GSTA4: variants seen among roughly 807,000 people sequenced by gnomAD.
GSTA4 encodes the protein glutathione S-transferase alpha 4, also known as glutathione S-transferase A4.
In GSTA4, 15 loss-of-function variants were observed where a neutral mutation model predicts 24.4. That is an observed-to-expected ratio of 0.61 (90% CI 0.41 to 0.95). The LOEUF (loss-of-function observed/expected upper bound fraction) is 0.95. Ranked by LOEUF, GSTA4 falls within the 40% of genes least tolerant of loss-of-function variation. The probability of loss-of-function intolerance (pLI) is 0.00; values close to 1 mark genes in which losing one functional copy is unlikely to be tolerated. For synonymous variants in GSTA4, 92 were observed against 94.2 expected (o/e 0.98, Z 0.13); for missense variants, 244 against 262.1 (o/e 0.93, Z 0.48).
At chr6:52,989,105 C>T (rs576412214) in intron 2 of GSTA4, among the ~76,000 whole-genome samples, 18 of 152,168 alleles carry the variant, frequency 1.2e-4, no homozygotes, top group Non-Finnish European at 2.4e-4. Flanking sequence ...GACCTCTGGT[C>T]GTCCTCATTG....
At chr6:52,995,138 A>C (rs1763747157) in intron 1 of GSTA4, 111 bp downstream of exon 1, 1 of 152,934 alleles carries the variant, frequency 6.5e-6, no homozygotes, top group Admixed American at 6.5e-5. Flanking sequence ...GAAGGACTGA[A>C]CTGGGGGAGT....
At chr6:52,979,968 T>C (rs1024252206) in intron 6 of GSTA4, among the ~76,000 whole-genome samples, 2 of 152,222 alleles carry the variant, frequency 1.3e-5, no homozygotes, top group African/African-American at 4.8e-5. Context: ...ACTTTTTAAA[T>C]CCATTAATCA....
chr6:52,993,398 A>C (rs1388671572), intron 2 of GSTA4, among the ~76,000 whole-genome samples: 1 of 152,250 alleles, frequency 6.6e-6, no homozygotes, highest in Non-Finnish European at 1.5e-5. Context: ...AAACTAAAAC[A>C]AACTATAAAA....
chr6:52,984,209 A>C (rs1157260941), intron 5 of GSTA4, among the ~76,000 whole-genome samples: 1 of 152,236 alleles, frequency 6.6e-6, no homozygotes, highest in Non-Finnish European at 1.5e-5. Flanking sequence ...GAATGCAAGG[A>C]ACAATAAGGA....
intron 2 of GSTA4, among the ~76,000 whole-genome samples, chr6:52,991,789 G>C (rs913619698): frequency 7.5e-6 from 1 of 134,140 alleles, no homozygotes; most frequent in Non-Finnish European, 1.5e-5. Context: ...ATGGAGTCTC[G>C]TTCTGTTGTC....
intron 2 of GSTA4, among the ~76,000 whole-genome samples, chr6:52,991,893 A>T (rs1172321769): frequency 1.3e-5 from 2 of 151,290 alleles, no homozygotes; most frequent in African/African-American, 4.9e-5. Flanking sequence ...AGTAGCTGGG[A>T]CGACAGGCAC....
chr6:52,994,038 GC>G (rs1286801020), intron 2 of GSTA4, 118 bp downstream of exon 2: 1 of 753,818 alleles, frequency 1.3e-6, no homozygotes, highest in Non-Finnish European at 2.4e-6. Flanking sequence ...ACTCAGTGAA[GC>G]GTGCCTGTGA....
chr6:52,982,592 A>C lies in GSTA4; in HGVS notation c.528T>G (p.Ser176=). ...TATTTACCTGGAGGAAAGGAAATGC[A>C]GACAGGATATTAGGAATTTTCTCTT... ...ALEEKIPNIL[S]AFPFLQEYTV... Residue 176 remains serine (S), a synonymous_variant, in exon 6 of 7, where the codon TCT becomes TCG. Transcript: ENST00000370963. 1 of 1,610,636 alleles carries C rather than the reference A, an allele frequency of 6.2e-7. No homozygotes were observed. Among genetic ancestry groups the C allele is most frequent in the African/African-American group, 1.3e-5 (1 of 74,928 alleles).
At chr6:52,990,042 G>T (rs755115807) in intron 2 of GSTA4, among the ~76,000 whole-genome samples, 25 of 152,168 alleles carry the variant, frequency 1.6e-4, no homozygotes, top group Non-Finnish European at 2.9e-4. Flanking sequence ...CAGGGACAAG[G>T]TGCTCAACTG....
chr6:52,993,041 T>C (rs1260512909), intron 2 of GSTA4, among the ~76,000 whole-genome samples: 2 of 151,052 alleles, frequency 1.3e-5, no homozygotes, highest in East Asian at 3.9e-4. Context: ...AGGCGGAGGT[T>C]GCAGTGAGCC....
chr6:52,985,662 A>G lies in GSTA4; in HGVS notation c.140-79T>C, dbSNP rs570089588. 94 of 1,413,254 alleles carry G rather than the reference A, an allele frequency of 6.7e-5. No individual in the cohort carries two copies. The African/African-American group carries it at 1.3e-3, about 19-fold the overall frequency. 87.5% of individuals were successfully genotyped at this position (1,413,254 alleles called of 1,614,324 possible). ...CCCTAAAAAATGCTCTGTGGAATGA[A>G]AAGAAACGGTGGAATCATGGCCTTA... is the stretch of plus-strand genomic sequence containing the variant. On this transcript the variant is annotated intron_variant, in intron 3 of 6. Transcript: ENST00000370963.
Position 52,978,213 on chromosome 6 carries a change from T to C in GSTA4, c.*257A>G, listed in dbSNP as rs1183004352. ...ATGAGGATGAACTGGCTACAGGACATGAGTAGCCCAATCAGATCTAACTTA... is the reference window on the plus strand; with the variant it reads ...ATGAGGATGAACTGGCTACAGGACACGAGTAGCCCAATCAGATCTAACTTA... On this transcript the variant is annotated 3_prime_UTR_variant, in exon 7 of 7. Transcript: ENST00000370963. 4 of 416,176 alleles carry C rather than the reference T, an allele frequency of 9.6e-6. No individual in the cohort carries two copies. Among genetic ancestry groups the C allele is most frequent in the Non-Finnish European group, 1.7e-5 (4 of 234,936 alleles). The allele number at this position is 416,176 out of a possible 1,614,324, so 25.8% of individuals were successfully genotyped here. A position where few individuals can be genotyped will look rare whatever the true frequency, so the allele number is the denominator to read the frequency against.
intron 2 of GSTA4, chr6:52,993,926 G>GC (rs1382290958): frequency 5.9e-5 from 37 of 622,748 alleles, no homozygotes; most frequent in Non-Finnish European, 1.0e-4. Flanking sequence ...ATTCACTGGT[G>GC]CTAGATCAGA....
chr6:52,985,037 C>T (rs1487545594), intron 4 of GSTA4, among the ~76,000 whole-genome samples: 7 of 152,176 alleles, frequency 4.6e-5, no homozygotes, highest in Admixed American at 2.0e-4. Flanking sequence ...CTTATACCCA[C>T]GTTGCCCAGG....
At chr6:52,994,475 CTTCTT>C (rs1347510951) in intron 1 of GSTA4, 68 of 486,470 alleles carry the variant, frequency 1.4e-4, no homozygotes, top group Non-Finnish European at 2.3e-4. Context: ...CTATTTATGA[CTTCTT>C]ATCCTGGATC....
At chr6:52,993,758 CA>C (rs1242320989) in intron 2 of GSTA4, among the ~76,000 whole-genome samples, 2 of 152,098 alleles carry the variant, frequency 1.3e-5, no homozygotes, top group Non-Finnish European at 2.9e-5. Context: ...AGAACGAAAA[CA>C]AAAACAGACA....
chr6:52,987,499 A>AT (rs1763585383), intron 2 of GSTA4, 91 bp from the exon 3 acceptor site: 1 of 708,010 alleles, frequency 1.4e-6, no homozygotes, highest in Non-Finnish European at 2.5e-6. Flanking sequence ...AGCAACACCA[A>AT]CAGAAACAGA....
Position 52,978,586 on chromosome 6 carries a change from T to C in GSTA4, c.553A>G (p.Thr185Ala), listed in dbSNP as rs1391907655. ...LSAFPFLQEYTVKLSNIPTIK... is the reference protein window; with the variant it reads ...LSAFPFLQEYAVKLSNIPTIK... ...GTAGGGATATTACTTAGTTTCACTG[T>C]GTATTCCTGAAAAAGGAAAACCAAA... The change falls in exon 7 of 7, where the codon ACA becomes GCA. Residue 185 changes from threonine to alanine, a missense_variant. Physicochemically the swap from Thr to Ala is moderately conservative, Grantham distance 58. Coordinates refer to ENST00000370963, the MANE Select transcript of GSTA4 (RefSeq NM_001512.4). 6.2e-7 allele frequency: 1 copy of C among 1,602,942 alleles called. No individual in the cohort carries two copies. The highest frequency in any genetic ancestry group is 8.5e-7 in the Non-Finnish European group (1 of 1,175,668).
chr6:52,987,393 G>T lies in GSTA4; in HGVS notation c.103C>A (p.Leu35Met). 1 of 1,580,328 alleles carries T rather than the reference G, an allele frequency of 6.3e-7. No individual in the cohort carries two copies. Among genetic ancestry groups the T allele is most frequent in the Non-Finnish European group, 8.7e-7 (1 of 1,151,234 alleles). The change falls in exon 3 of 7, where the codon CTG (leucine) becomes ATG (methionine). Residue 35 changes from leucine to methionine, a missense_variant. Physicochemically the swap from Leu to Met is conservative, Grantham distance 15 (BLOSUM62 2). Transcript: ENST00000370963. ...TTGTACAACTGTTCTTTTGTTTCCA[G>T]AAATTCTTCATCAAACTAAATTTTT... is the stretch of plus-strand genomic sequence containing the variant. Reference protein sequence around the residue: ...AAGVEFDEEFLETKEQLYKLQ... With the variant: ...AAGVEFDEEFMETKEQLYKLQ...
Sources: allele counts gnomAD v4.1 joint callset (sites outside exome capture counted in the v4.1 genomes callset), GRCh38; gene constraint gnomAD v4.1.1; transcripts MANE v1.5; gene names NCBI Gene and HGNC (gene_info 2026-07-23, HGNC 2026-07-21).